Variants in ATL2 observed in about 807,000 individuals in gnomAD.
The protein encoded by ATL2 is atlastin-2.
ATL2 carries 31 observed loss-of-function variants against 73.9 expected under a neutral mutation model. That is an observed-to-expected ratio of 0.42 (90% confidence interval 0.32 to 0.57). ATL2 has a LOEUF of 0.57. Ranked by LOEUF, ATL2 falls within the 20% of genes least tolerant of loss-of-function variation. The pLI, the probability that ATL2 is intolerant of heterozygous loss-of-function variation, is 0.14. For synonymous variants in ATL2, 291 were observed against 237.5 expected (o/e 1.23, Z -2.07); for missense variants, 738 against 702.6 (o/e 1.05, Z -0.57).
At chr2:38,328,634 A>C (rs190624452) in intron 2 of ATL2, among the ~76,000 whole-genome samples, 5 of 152,150 alleles carry the variant, frequency 3.3e-5, no homozygotes, top group African/African-American at 1.2e-4. Flanking sequence ...GAACTAAAGG[A>C]AAATGAAAAT....
Position 38,318,969 on chromosome 2 carries a change from T to G in ATL2, c.414A>C (p.Thr138=), listed in dbSNP as rs763429557. ...GGNNEPLTGF[T]WRGGCERETT... ...TTTCTCTTTCACAGCCACCTCGCCA[T>G]GTAAAGCCTGTCAATGGTTCATTGT... Residue 138 remains threonine (T), a synonymous_variant, in exon 3 of 13, where the codon ACA becomes ACC. Coordinates refer to ENST00000378954, the MANE Select transcript of ATL2 (RefSeq NM_001135673.4). The G allele has an allele frequency of 6.2e-7, 1 of 1,614,056 alleles. No homozygotes were observed. The highest frequency in any genetic ancestry group is 8.5e-7 in the Non-Finnish European group (1 of 1,179,934).
intron 9 of ATL2, among the ~76,000 whole-genome samples, chr2:38,300,928 G>C (rs1667154090): frequency 6.7e-6 from 1 of 148,552 alleles, no homozygotes; most frequent in Non-Finnish European, 1.5e-5. Context: ...AGAAGGAAAA[G>C]ATAAGAGTTT....
chr2:38,310,304 C>T lies in ATL2; in HGVS notation c.943+5G>A. On this transcript the variant is annotated splice_donor_5th_base_variant and intron_variant, in intron 8 of 12. Coordinates refer to ENST00000378954, the MANE Select transcript of ATL2 (RefSeq NM_001135673.4). ...TCAGATTTTAGCAAGAATGGGAATT[C>T]CCACCTTTCAATCTCCCATCAAAAC... 6.2e-7 allele frequency: 1 copy of T among 1,610,016 alleles called. No homozygotes were observed. The highest frequency in any genetic ancestry group is 2.2e-5 in the East Asian group (1 of 44,790).
rs372162194 is a variant in ATL2 at position 38,344,963 on chromosome 2, G to A, written c.119-1451C>T. Among the ~76,000 whole-genome samples, 7 of 152,130 alleles carry A rather than the reference G, an allele frequency of 4.6e-5. No individual in the cohort carries two copies. The East Asian group carries it at 1.3e-3, about 29-fold the overall frequency. ...TTTGCAGACATAACTTTACTGAATA[G>A]TGACGAAGAAGTACAGAGAATGTAA... On this transcript the variant is annotated intron_variant, in intron 1 of 12. Transcript: ENST00000378954.
At chr2:38,349,663 AAAGTAT>A (rs1670229828) in intron 1 of ATL2, among the ~76,000 whole-genome samples, 1 of 151,504 alleles carries the variant, frequency 6.6e-6, no homozygotes, top group South Asian at 2.1e-4. Context: ...CCTAAAACTT[AAAGTAT>A]AATAATAAAA....
intron 2 of ATL2, among the ~76,000 whole-genome samples, chr2:38,338,065 A>G (rs1349885325): frequency 6.6e-6 from 1 of 152,214 alleles, no homozygotes; most frequent in Non-Finnish European, 1.5e-5. Flanking sequence ...GCATTTTTCT[A>G]ACAGTTCCTA....
chr2:38,370,034 G>T (rs1218627932), intron 1 of ATL2, among the ~76,000 whole-genome samples: 1 of 141,574 alleles, frequency 7.1e-6, no homozygotes, highest in South Asian at 2.3e-4. Flanking sequence ...GGCGCCTGTA[G>T]TCCCAGGTAC....
intron 7 of ATL2, 76 bp downstream of exon 7, chr2:38,313,075 G>C: frequency 1.0e-6 from 1 of 968,908 alleles, no homozygotes; most frequent in Non-Finnish European, 1.6e-6. Context: ...CTGGTAATGT[G>C]ACCAGCAGTC....
At chr2:38,311,733 G>C (rs1347880689) in intron 7 of ATL2, among the ~76,000 whole-genome samples, 1 of 152,124 alleles carries the variant, frequency 6.6e-6, no homozygotes, top group Non-Finnish European at 1.5e-5. Flanking sequence ...TGGCTAAATG[G>C]CTATGTTCAT....
intron 2 of ATL2, among the ~76,000 whole-genome samples, chr2:38,324,687 G>A (rs764615836): frequency 6.6e-6 from 1 of 152,146 alleles, no homozygotes; most frequent in African/African-American, 2.4e-5. Context: ...AACTACTTAG[G>A]TACATGCTGA....
At chr2:38,299,118 C>T (rs1349474956) in intron 11 of ATL2, 138 bp downstream of exon 11, 1 of 710,706 alleles carries the variant, frequency 1.4e-6, no homozygotes, top group Non-Finnish European at 2.0e-6. Context: ...CCAGCAAAGA[C>T]CATAAAGGGG....
At chr2:38,303,498 C>G (rs1327860239) in intron 9 of ATL2, among the ~76,000 whole-genome samples, 1 of 151,944 alleles carries the variant, frequency 6.6e-6, no homozygotes, top group African/African-American at 2.4e-5. Context: ...AGCCTCAGAG[C>G]TTAACACAAG....
chr2:38,298,309 T>C lies in ATL2; in HGVS notation c.1467A>G (p.Ser489=), dbSNP rs1468118810. 1 of 1,614,182 alleles carries C rather than the reference T, an allele frequency of 6.2e-7. No individual in the cohort carries two copies. The highest frequency in any genetic ancestry group is 8.5e-7 in the Non-Finnish European group (1 of 1,180,012). Residue 489 remains serine, a synonymous_variant, in exon 12 of 13, where the codon TCA becomes TCG. Coordinates refer to ENST00000378954, the MANE Select transcript of ATL2 (RefSeq NM_001135673.4). ...FAVMFAMYII[S]GLTGFIGLNS... ...TTAGGCCAATGAAGCCAGTCAGTCC[T>C]GAGATTATATACATAGCAAACATGA...
chr2:38,361,245 T>G (rs1248718493), intron 1 of ATL2, among the ~76,000 whole-genome samples: 10 of 147,108 alleles, frequency 6.8e-5, no homozygotes, highest in African/African-American at 2.5e-4. Flanking sequence ...TCCCAGCTAC[T>G]AGGGAGGCTG....
chr2:38,369,545 C>T (rs1036273626), intron 1 of ATL2, among the ~76,000 whole-genome samples: 14 of 151,512 alleles, frequency 9.2e-5, no homozygotes, highest in Admixed American at 3.9e-4. Flanking sequence ...CTTAGCCTCC[C>T]AAAGTGCTGG....
chr2:38,348,180 A>C (rs1430382685), intron 1 of ATL2, among the ~76,000 whole-genome samples: 1 of 152,104 alleles, frequency 6.6e-6, no homozygotes, highest in Non-Finnish European at 1.5e-5. Context: ...AAAATTATGA[A>C]GCTTGGCTAG....
chr2:38,309,564 T>C, intron 8 of ATL2, 58 bp from the exon 9 acceptor site: 2 of 1,502,092 alleles, frequency 1.3e-6, no homozygotes, highest in Admixed American at 4.2e-5. Context: ...TCCCCACTGG[T>C]ACGATTTCAT....
intron 1 of ATL2, among the ~76,000 whole-genome samples, chr2:38,356,522 T>A (rs1670679310): frequency 6.6e-6 from 1 of 152,166 alleles, no homozygotes; most frequent in Non-Finnish European, 1.5e-5. Flanking sequence ...GTCTTCTAAA[T>A]CTGCTGTGTA....
intron 1 of ATL2, among the ~76,000 whole-genome samples, chr2:38,360,851 A>G (rs1400786406): frequency 1.3e-5 from 2 of 152,112 alleles, no homozygotes; most frequent in Non-Finnish European, 2.9e-5. Flanking sequence ...AGTTGTTTAT[A>G]TCCTAGAGAA....
Sources: gnomAD v4.1 joint callset for allele counts (sites outside exome capture counted in the v4.1 genomes callset) on GRCh38, gnomAD v4.1.1 for gene constraint, MANE v1.5 for transcripts, NCBI Gene and HGNC (gene_info 2026-07-23, HGNC 2026-07-21) for gene names.